VWA8: variants seen among roughly 807,000 people sequenced by gnomAD.
The protein encoded by VWA8 is von Willebrand factor A domain-containing protein 8.
In VWA8, 221 loss-of-function variants were observed where a neutral mutation model predicts 241.5. That is an observed-to-expected ratio of 0.91 (90% CI 0.82 to 1.02). The LOEUF (loss-of-function observed/expected upper bound fraction) is 1.02. VWA8 is among the 50% of genes least tolerant of loss of function. The pLI is 0.00. For synonymous variants in VWA8, 852 were observed against 827.1 expected (o/e 1.03, Z -0.52); for missense variants, 2,322 against 2,328.7 (o/e 1.00, Z 0.06).
At chr13:41,737,109 C>T (rs183139539) in intron 21 of VWA8, among the ~76,000 whole-genome samples, 2 of 152,148 alleles carry the variant, frequency 1.3e-5, no homozygotes, top group South Asian at 4.2e-4. Flanking sequence ...GGATTAAAGG[C>T]GTGAGCCACC....
At chr13:41,787,570 G>A (rs776962887) in intron 17 of VWA8, 27 bp from the exon 18 acceptor site, 1 of 1,477,084 alleles carries the variant, frequency 6.8e-7, no homozygotes, top group East Asian at 2.3e-5. Context: ...GAGGAAGGGG[G>A]AAATGGCTTA....
At chr13:41,724,109 G>T (rs932089500) in intron 24 of VWA8, among the ~76,000 whole-genome samples, 7 of 152,234 alleles carry the variant, frequency 4.6e-5, no homozygotes, top group African/African-American at 1.7e-4. Flanking sequence ...AATACTGCTG[G>T]TAGATTCAGT....
At position 41,573,486 on chromosome 13, in the gene VWA8, AAT is replaced by A. The variant is rs1555303590; in HGVS notation, c.5370+2252_5370+2253del. On this transcript the variant is annotated intron_variant, in intron 43 of 44. Transcript: ENST00000379310. ...GGTGGCTATAGTTTAAAAAAAAAAA[AAT>A]ATATATATATATATATATACCTCTC... 1.7e-3 allele frequency among the ~76,000 whole-genome samples: 196 copies of A among 113,574 alleles called. 2 individuals carry two copies. Among genetic ancestry groups the A allele is most frequent in the South Asian group, 2.8e-3 (9 of 3,216 alleles). The allele number at this position is 113,574 out of a possible 152,430, so 74.5% of individuals were successfully genotyped here. A position where few individuals can be genotyped will look rare whatever the true frequency, so the allele number is the denominator to read the frequency against.
At chr13:41,861,152 C>T (rs561876226) in intron 12 of VWA8, among the ~76,000 whole-genome samples, 4 of 151,844 alleles carry the variant, frequency 2.6e-5, no homozygotes, top group South Asian at 2.1e-4. Context: ...CGGAGGTTGC[C>T]GTGAGCCGAG....
At chr13:41,641,437 T>C (rs763373977) in intron 37 of VWA8, among the ~76,000 whole-genome samples, 1 of 152,206 alleles carries the variant, frequency 6.6e-6, no homozygotes, top group Non-Finnish European at 1.5e-5. Context: ...CTAGTCCCAG[T>C]CAGGTAGATT....
chr13:41,753,013 A>G (rs926891450), intron 21 of VWA8, among the ~76,000 whole-genome samples: 5 of 152,198 alleles, frequency 3.3e-5, no homozygotes, highest in African/African-American at 9.6e-5. Flanking sequence ...TAGAAGTAAC[A>G]GTGGACCAAA....
intron 9 of VWA8, among the ~76,000 whole-genome samples, chr13:41,873,458 G>C (rs1034972128): frequency 1.3e-5 from 2 of 152,084 alleles, no homozygotes; most frequent in Non-Finnish European, 2.9e-5. Flanking sequence ...AAGAAAAAAA[G>C]AGAGAAGAAT....
chr13:41,705,558 TA>T (rs1314848471), intron 26 of VWA8, among the ~76,000 whole-genome samples: 2 of 152,208 alleles, frequency 1.3e-5, no homozygotes, highest in African/African-American at 2.4e-5. Context: ...ATAGAAGACA[TA>T]ATGTAACAGA....
intron 36 of VWA8, among the ~76,000 whole-genome samples, chr13:41,673,666 T>C (rs1286696288): frequency 6.6e-6 from 1 of 152,226 alleles, no homozygotes; most frequent in African/African-American, 2.4e-5. Flanking sequence ...ATACATTGGG[T>C]TAAATAAAAT....
intron 35 of VWA8, 37 bp downstream of exon 35, chr13:41,685,010 A>T (rs2045125287): frequency 6.4e-7 from 1 of 1,574,602 alleles, no homozygotes; most frequent in African/African-American, 1.4e-5. Flanking sequence ...ACTTTAAACC[A>T]CCTTTGTAAA....
intron 2 of VWA8, among the ~76,000 whole-genome samples, chr13:41,930,246 G>T (rs1394425856): frequency 6.6e-6 from 1 of 152,170 alleles, no homozygotes; most frequent in Non-Finnish European, 1.5e-5. Context: ...GCAAGGGTGT[G>T]GAGAAAAGAG....
At chr13:41,570,282 T>TCTAAACAAAAGCTAGAACATATC (rs2044291664) in intron 44 of VWA8, among the ~76,000 whole-genome samples, 186 bp downstream of exon 44, 1 of 152,206 alleles carries the variant, frequency 6.6e-6, no homozygotes, top group Non-Finnish European at 1.5e-5. Flanking sequence ...TTATTGTTCA[T>TCTAAACAAAAGCTAGAACATATC]CTAAACAAAA....
At chr13:41,858,775 T>C (rs987451446) in intron 12 of VWA8, among the ~76,000 whole-genome samples, 1 of 152,068 alleles carries the variant, frequency 6.6e-6, no homozygotes, top group African/African-American at 2.4e-5. Flanking sequence ...AAGAAATCTG[T>C]AGGAGCTGAA....
intron 16 of VWA8, among the ~76,000 whole-genome samples, chr13:41,814,623 C>T (rs981909272): frequency 5.3e-5 from 8 of 152,000 alleles, no homozygotes; most frequent in South Asian, 2.1e-4. Context: ...AATCCCTTAA[C>T]GGTTTTAAAC....
rs114465617 is a variant in VWA8, at chr13:41,791,399, C to T, written c.2064-3856G>A. Among the ~76,000 whole-genome samples the T allele has an allele frequency of 6.3e-3, 952 of 151,648 alleles. 13 individuals are homozygous for T. The highest frequency in any genetic ancestry group is 0.022 in the African/African-American group (912 of 41,412). On this transcript the variant is annotated intron_variant, in intron 17 of 44. Transcript: ENST00000379310. ...GAATATGTATGAGAATGAAAAGTAA[C>T]CAATTTTTGTTTTTCAGTTTTTTTA...
chr13:41,936,455 A>G (rs1387969689), intron 2 of VWA8, among the ~76,000 whole-genome samples: 1 of 152,188 alleles, frequency 6.6e-6, no homozygotes, highest in East Asian at 1.9e-4. Context: ...TGTGTTATAT[A>G]GGCATTAAAA....
intron 21 of VWA8, among the ~76,000 whole-genome samples, chr13:41,736,669 C>CATGT (rs2045527148): frequency 6.6e-6 from 1 of 151,790 alleles, no homozygotes; most frequent in Non-Finnish European, 1.5e-5. Context: ...AGAAAGAAGA[C>CATGT]ACATAAGAGT....
At chr13:41,736,699 ATCT>A (rs774871048) in intron 21 of VWA8, among the ~76,000 whole-genome samples, 1 of 152,124 alleles carries the variant, frequency 6.6e-6, no homozygotes, top group Non-Finnish European at 1.5e-5. Flanking sequence ...GCTGATGAAA[ATCT>A]TCTCTGTCTT....
chr13:41,784,697 C>CATATACATATATATATAT (rs1355266984), intron 18 of VWA8, among the ~76,000 whole-genome samples: 1 of 57,036 alleles, frequency 1.8e-5, no homozygotes, highest in African/African-American at 5.6e-5. Flanking sequence ...TATACATATA[C>CATATACATATATATATAT]ATATATATAT....
Sources: allele counts gnomAD v4.1 joint callset (sites outside exome capture counted in the v4.1 genomes callset), GRCh38; gene constraint gnomAD v4.1.1; transcripts MANE v1.5; gene names NCBI Gene and HGNC (gene_info 2026-07-23, HGNC 2026-07-21).